Variants in FAM124A observed in about 807,000 individuals in gnomAD.
The protein encoded by FAM124A is protein FAM124A.
A neutral mutation model predicts 24.5 loss-of-function variants in FAM124A; 23 were observed. That is an observed-to-expected ratio of 0.94 (90% CI 0.68 to 1.33). The LOEUF is 1.33. FAM124A is among the 40% of genes most tolerant of loss of function. FAM124A has a pLI of 0.00. For synonymous variants in FAM124A, 287 were observed against 314.7 expected, an observed-to-expected ratio of 0.91 and a Z score of 0.93; for missense variants, 623 against 722.8, an observed-to-expected ratio of 0.86 and a Z score of 1.58.
intron 3 of FAM124A, among the ~76,000 whole-genome samples, chr13:51,265,657 T>C (rs1236233199): frequency 1.3e-5 from 2 of 152,156 alleles, no homozygotes; most frequent in Non-Finnish European, 2.9e-5. Context: ...AAGAATTAGC[T>C]ACTGTTATTA....
intron 3 of FAM124A, among the ~76,000 whole-genome samples, chr13:51,267,825 C>T (rs1954803758): frequency 6.6e-6 from 1 of 152,194 alleles, no homozygotes; most frequent in South Asian, 2.1e-4. Context: ...TACTGAGAGC[C>T]TCCTACCCCA....
Position 51,222,464 on chromosome 13 carries a change from A to G in FAM124A, c.-38A>G. 8.3e-7 allele frequency: 1 copy of G among 1,201,488 alleles called. No homozygotes were observed. Among genetic ancestry groups the G allele is most frequent in the Non-Finnish European group, 1.0e-6 (1 of 969,500 alleles). The allele number at this position is 1,201,488 out of a possible 1,614,324, so 74.4% of individuals were successfully genotyped here. A position where few individuals can be genotyped will look rare whatever the true frequency, so the allele number is the denominator to read the frequency against. On this transcript the variant is annotated 5_prime_UTR_variant, in exon 1 of 4. Coordinates refer to ENST00000322475, the MANE Select transcript of FAM124A (RefSeq NM_001242312.2). ...GGGAGGGAGGGCGCCCCGGGTCACG[A>G]CGGCGCCCGCAAGCCGAGCGCGGCC...
chr13:51,225,702 G>A (rs1385378885), intron 1 of FAM124A, among the ~76,000 whole-genome samples: 1 of 152,168 alleles, frequency 6.6e-6, no homozygotes, highest in Non-Finnish European at 1.5e-5. Flanking sequence ...AGTGAAGGAA[G>A]AGTGGTATTT....
rs896170995 is a variant in FAM124A, at chr13:51,282,403, C to T, written c.*1147C>T. 7 of 152,362 alleles carry T rather than the reference C, an allele frequency of 4.6e-5. No individual in the cohort carries two copies. In the East Asian group the frequency reaches 5.8e-4, roughly 13 times the overall value. The allele number at this position is 152,362 out of a possible 1,614,324, so 9.4% of individuals were successfully genotyped here. ...TTAATTAACGCTGGAGCCCAGCAAC[C>T]TTGGCTTTTCCTGCCTGTTATCTGC... On this transcript the variant is annotated 3_prime_UTR_variant, in exon 4 of 4. Coordinates refer to ENST00000322475, the MANE Select transcript of FAM124A (RefSeq NM_001242312.2).
At chr13:51,232,112 G>T (rs151025689) in intron 2 of FAM124A, among the ~76,000 whole-genome samples, 1 of 152,178 alleles carries the variant, frequency 6.6e-6, no homozygotes, top group African/African-American at 2.4e-5. Flanking sequence ...GCTTATAAGT[G>T]GTTATTATAT....
chr13:51,272,723 G>C lies in FAM124A; in HGVS notation c.835-7727G>C, dbSNP rs571243643. Among the ~76,000 whole-genome samples the C allele has an allele frequency of 6.6e-6, 1 of 152,076 alleles. No individual in the cohort carries two copies. Among genetic ancestry groups the C allele is most frequent in the East Asian group, 1.9e-4 (1 of 5,172 alleles). ...ACAGTCAAGGTAGGAGTGCTAGACCGCAGGACGCCAAGCACAGTCAAGGTG... is the reference window on the plus strand; with the variant it reads ...ACAGTCAAGGTAGGAGTGCTAGACCCCAGGACGCCAAGCACAGTCAAGGTG... On this transcript the variant is annotated intron_variant, in intron 3 of 3. Coordinates refer to ENST00000322475, the MANE Select transcript of FAM124A (RefSeq NM_001242312.2). The surrounding 1 kb of genome is among the most constrained non-coding windows in gnomAD (Gnocchi z 4.2).
rs567115366 is a variant in FAM124A, at chr13:51,225,668, G to C, written c.68+3099G>C. On this transcript the variant is annotated intron_variant, in intron 1 of 3. Transcript: ENST00000322475. ...CTAATGAAGATGAGGAACGCTAAAT[G>C]TCTTTTTTAAATGGAGATGATGAAG... Among the ~76,000 whole-genome samples the C allele has an allele frequency of 9.8e-5, 15 of 152,312 alleles. No homozygotes were observed. In the South Asian group the frequency reaches 3.1e-3, roughly 32 times the overall value.
chr13:51,279,742 G>A (rs1361740957), intron 3 of FAM124A, among the ~76,000 whole-genome samples: 1 of 152,184 alleles, frequency 6.6e-6, no homozygotes, highest in Non-Finnish European at 1.5e-5. Flanking sequence ...TGCAGGATCC[G>A]CAGGATCAGT....
At position 51,280,792 on chromosome 13, in the gene FAM124A, T is replaced by C. The variant is rs1460703434; in HGVS notation, c.1177T>C (p.Ser393Pro). Residue 393 changes from serine (S) to proline (P), a missense_variant, in exon 4 of 4, where the codon TCA (serine) becomes CCA (proline). Transcript: ENST00000322475. ...SNTGAPGHRA[S>P]EWRHGHLLSI... is the part of the protein sequence containing the mutation. ...CACAGGTGCCCCAGGGCACAGGGCA[T>C]CAGAGTGGAGGCATGGCCACCTCCT... 1.2e-6 allele frequency: 2 copies of C among 1,614,154 alleles called. No homozygotes were observed. The highest frequency in any genetic ancestry group is 1.7e-6 in the Non-Finnish European group (2 of 1,180,036).
Position 51,252,153 on chromosome 13 carries a change from G to A in FAM124A, c.786G>A (p.Glu262=), listed in dbSNP as rs1954632001. Residue 262 remains glutamate, a synonymous_variant, in exon 3 of 4, where the codon GAG becomes GAA. Transcript: ENST00000322475. The part of the protein sequence containing the change: ...LLPNPCSPIS[E]GRWQTEDHDG... Reference sequence around the variant, plus strand: ...CCAACCCTTGCAGCCCCATCAGCGAGGGGCGCTGGCAGACGGAGGACCATG... The same window carrying A: ...CCAACCCTTGCAGCCCCATCAGCGAAGGGCGCTGGCAGACGGAGGACCATG... 1.2e-6 allele frequency: 2 copies of A among 1,613,838 alleles called. No individual in the cohort carries two copies. Among genetic ancestry groups the A allele is most frequent in the Admixed American group, 1.7e-5 (1 of 60,028 alleles).
intron 2 of FAM124A, among the ~76,000 whole-genome samples, chr13:51,234,701 C>T (rs759852187): frequency 2.0e-5 from 3 of 152,180 alleles, no homozygotes; most frequent in Admixed American, 6.5e-5. Context: ...AGCACTGAGG[C>T]ACTTACCTGT....
chr13:51,255,456 A>G (rs907576270), intron 3 of FAM124A, among the ~76,000 whole-genome samples: 8 of 152,238 alleles, frequency 5.3e-5, no homozygotes, highest in Admixed American at 5.2e-4. Flanking sequence ...AGAAAGTTCT[A>G]TCAGCCAGCA....
intron 2 of FAM124A, among the ~76,000 whole-genome samples, chr13:51,244,812 T>A (rs1215475523): frequency 6.6e-6 from 1 of 152,140 alleles, no homozygotes; most frequent in Non-Finnish European, 1.5e-5. Flanking sequence ...TTCCGAAGAC[T>A]CCAGCTGAGG....
chr13:51,270,906 A>C (rs575152951), intron 3 of FAM124A, among the ~76,000 whole-genome samples: 1 of 152,364 alleles, frequency 6.6e-6, no homozygotes, highest in East Asian at 1.9e-4. Flanking sequence ...ATACTGCAAG[A>C]ACAAACTTAT....
chr13:51,282,227 T>A lies in FAM124A; in HGVS notation c.*971T>A, dbSNP rs1954947401. The A allele has an allele frequency of 6.6e-6, 1 of 152,206 alleles. No individual in the cohort carries two copies. Among genetic ancestry groups the A allele is most frequent in the Admixed American group, 6.5e-5 (1 of 15,286 alleles). The allele number at this position is 152,206 out of a possible 1,614,324, so 9.4% of individuals were successfully genotyped here. A position where few individuals can be genotyped will look rare whatever the true frequency, so the allele number is the denominator to read the frequency against. On this transcript the variant is annotated 3_prime_UTR_variant, in exon 4 of 4. Transcript: ENST00000322475. ...CATGCTGGGTCACGCATCCTATGTT[T>A]CTCATTTTTAAATGATTTGGAACAT...
At chr13:51,271,383 T>C (rs984551372) in intron 3 of FAM124A, among the ~76,000 whole-genome samples, 4 of 152,236 alleles carry the variant, frequency 2.6e-5, no homozygotes, top group Middle Eastern at 6.8e-3. Context: ...TTGAAGAGTA[T>C]ATAGTCATGA....
Position 51,222,511 on chromosome 13 carries a change from A to G in FAM124A, c.10A>G (p.Lys4Glu). The G allele has an allele frequency of 8.2e-7, 1 of 1,225,854 alleles. No individual in the cohort carries two copies. Among genetic ancestry groups the G allele is most frequent in the Non-Finnish European group, 1.0e-6 (1 of 985,696 alleles). 75.9% of individuals were successfully genotyped at this position (1,225,854 alleles called of 1,614,324 possible). A position where few individuals can be genotyped will look rare whatever the true frequency, so the allele number is the denominator to read the frequency against. MDP[K>E]AGGGGEEDDC... ...GGCCGGGACGTGCACCATGGACCCAAAGGCGGGCGGCGGCGGCGAGGAGGA... is the reference window on the plus strand; with the variant it reads ...GGCCGGGACGTGCACCATGGACCCAGAGGCGGGCGGCGGCGGCGAGGAGGA... The change falls in exon 1 of 4, where the codon AAG (lysine) becomes GAG (glutamate). Residue 4 changes from lysine to glutamate, a missense_variant. Lys to Glu is a moderately conservative substitution (Grantham distance 56, BLOSUM62 1). Transcript: ENST00000322475.
At chr13:51,245,121 C>T (rs1954543064) in intron 2 of FAM124A, among the ~76,000 whole-genome samples, 1 of 152,200 alleles carries the variant, frequency 6.6e-6, no homozygotes, top group Non-Finnish European at 1.5e-5. Flanking sequence ...GGTGTCTGGT[C>T]TGCCACAAAA....
intron 3 of FAM124A, among the ~76,000 whole-genome samples, chr13:51,255,818 C>T (rs1954669769): frequency 6.6e-6 from 1 of 152,246 alleles, no homozygotes. Flanking sequence ...CCACTCATAC[C>T]TCCTGGTGGC....
Sources: allele counts gnomAD v4.1 joint callset (sites outside exome capture counted in the v4.1 genomes callset), GRCh38; gene constraint gnomAD v4.1.1; non-coding constraint Gnocchi (gnomAD v3.1); transcripts MANE v1.5; gene names NCBI Gene and HGNC (gene_info 2026-07-23, HGNC 2026-07-21).